The following ST6GALNAC2 variants were observed in gnomAD, a reference collection of about 807,000 sequenced individuals.
The protein encoded by ST6GALNAC2 is alpha-N-acetylgalactosaminide alpha-2,6-sialyltransferase 2.
A neutral mutation model predicts 38.7 loss-of-function variants in ST6GALNAC2; 42 were observed. The ratio of observed to expected loss-of-function variants is 1.09; its 90% CI spans 0.85 to 1.40. The LOEUF is 1.40. Among genes scored for constraint, ST6GALNAC2 ranks in the 40% most tolerant of loss-of-function variants. The pLI is 0.00. For missense variants in ST6GALNAC2, 506 were observed against 481.7 expected (o/e 1.05, Z -0.47); for synonymous variants, 233 against 209.0 (o/e 1.11, Z -0.99).
chr17:76,573,159 T>TGCCCACCC lies in ST6GALNAC2; in HGVS notation c.530+35_530+36insGGGTGGGC. The TGCCCACCC allele has an allele frequency of 6.5e-7, 1 of 1,530,320 alleles. No individual in the cohort carries two copies. The highest frequency in any genetic ancestry group is 2.3e-5 in the East Asian group (1 of 44,142). The allele number at this position is 1,530,320 out of a possible 1,614,324, so 94.8% of individuals were successfully genotyped here. ...GACACCCCCACCCTCCAGGCAACTCTCCCTCCCGCCCCTCCCCAGCTCCTA... is the reference window on the plus strand; with the variant it reads ...GACACCCCCACCCTCCAGGCAACTCTGCCCACCCCCCTCCCGCCCCTCCCCAGCTCCTA... On this transcript the variant is annotated intron_variant, in intron 4 of 8. Transcript: ENST00000225276. The surrounding 1 kb of genome is among the most constrained non-coding windows in gnomAD (Gnocchi z 5.1).
At chr17:76,578,545 T>G (rs1163436845) in intron 2 of ST6GALNAC2, among the ~76,000 whole-genome samples, 1 of 152,138 alleles carries the variant, frequency 6.6e-6, no homozygotes, top group Non-Finnish European at 1.5e-5. Flanking sequence ...TGAGTACATA[T>G]TTATTCATCC....
At position 76,583,009 on chromosome 17, in the gene ST6GALNAC2, G is replaced by T. The variant is rs190736730; in HGVS notation, c.125+2675C>A. On this transcript the variant is annotated intron_variant, in intron 1 of 8. Coordinates refer to ENST00000225276, the MANE Select transcript of ST6GALNAC2 (RefSeq NM_006456.3). ...AAAAAAGCATTGTTGCATTATAATA[G>T]AAGTATAGTAAACTTCATACTTAAA... Among the ~76,000 whole-genome samples, 391 of 152,322 alleles carry T rather than the reference G, an allele frequency of 2.6e-3. 2 individuals are homozygous for T. The highest frequency in any genetic ancestry group is 8.7e-3 in the African/African-American group (363 of 41,582).
In ST6GALNAC2 at chr17:76,567,755, C is replaced by G. The variant is rs368784034; in HGVS notation, c.858-203G>C. ...GGGGAGGGGGTGGTGAGAAAGGAAC[C>G]ACAGGTTCCCCCTTTTGGCAACAGC... On this transcript the variant is annotated intron_variant, in intron 7 of 8. Transcript: ENST00000225276. The G allele has an allele frequency of 1.4e-4, 69 of 508,932 alleles. No homozygotes were observed. The East Asian group carries it at 1.6e-3, about 12-fold the overall frequency. The allele number at this position is 508,932 out of a possible 1,614,324, so 31.5% of individuals were successfully genotyped here. A position where few individuals can be genotyped will look rare whatever the true frequency, so the allele number is the denominator to read the frequency against.
chr17:76,570,938 A>G, intron 5 of ST6GALNAC2: 1 of 402,908 alleles, frequency 2.5e-6, no homozygotes, highest in African/African-American at 2.0e-5. Context: ...TAAAGAGGAA[A>G]GTGATGGTGT....
At chr17:76,582,151 C>T (rs2075484820) in intron 1 of ST6GALNAC2, among the ~76,000 whole-genome samples, 3 of 146,212 alleles carry the variant, frequency 2.1e-5, no homozygotes, top group African/African-American at 7.6e-5. Context: ...AAGCGTGAGC[C>T]ACCGTGCCCA....
intron 1 of ST6GALNAC2, among the ~76,000 whole-genome samples, chr17:76,580,376 C>A (rs2075461519): frequency 6.6e-6 from 1 of 152,054 alleles, no homozygotes; most frequent in African/African-American, 2.4e-5. Flanking sequence ...TGAGATCACA[C>A]CACTGCATTC....
At chr17:76,572,821 G>GTCTGT in intron 4 of ST6GALNAC2, 46 bp from the exon 5 acceptor site, 1 of 1,610,708 alleles carries the variant, frequency 6.2e-7, no homozygotes. Flanking sequence ...ACACCAGGCC[G>GTCTGT]TCTGTTCTGC....
rs1248909763 is a variant in ST6GALNAC2, at chr17:76,567,559, G to A, written c.858-7C>T. The stretch of plus-strand genomic sequence containing the variant: ...CAACTTTGATTTCAAGAACCTGGAA[G>A]CAAAAAGAGACATTTCAGCTCACTA... On this transcript the variant is annotated splice_polypyrimidine_tract_variant and splice_region_variant and intron_variant, in intron 7 of 8. Transcript: ENST00000225276. The A allele has an allele frequency of 6.3e-7, 1 of 1,596,474 alleles. No homozygotes were observed. Among genetic ancestry groups the A allele is most frequent in the Admixed American group, 1.7e-5 (1 of 59,744 alleles).
rs1344413020 is a variant in ST6GALNAC2, at chr17:76,566,041, T to C, written c.*63A>G. The C allele has an allele frequency of 6.5e-6, 10 of 1,530,140 alleles. No homozygotes were observed. Among genetic ancestry groups the C allele is most frequent in the Non-Finnish European group, 7.9e-6 (9 of 1,134,502 alleles). 94.8% of individuals were successfully genotyped at this position (1,530,140 alleles called of 1,614,324 possible). ...GAAGATTGAAAAGTTAAAAAAGCTT[T>C]TGGCCACTTGAGAGGATCAGGGCCG... is the stretch of plus-strand genomic sequence containing the variant. On this transcript the variant is annotated 3_prime_UTR_variant, in exon 9 of 9. Transcript: ENST00000225276.
chr17:76,582,918 A>T (rs1224105187), intron 1 of ST6GALNAC2, among the ~76,000 whole-genome samples: 1 of 152,256 alleles, frequency 6.6e-6, no homozygotes, highest in Non-Finnish European at 1.5e-5. Context: ...AATACAGAGA[A>T]ACAGCAGGAA....
At chr17:76,581,656 A>G (rs1361434658) in intron 1 of ST6GALNAC2, among the ~76,000 whole-genome samples, 1 of 151,988 alleles carries the variant, frequency 6.6e-6, no homozygotes, top group Non-Finnish European at 1.5e-5. Context: ...GTGCTCAGCC[A>G]CTTCTCCCAG....
intron 8 of ST6GALNAC2, among the ~76,000 whole-genome samples, chr17:76,566,883 C>T (rs1056900426): frequency 6.6e-6 from 1 of 152,012 alleles, no homozygotes; most frequent in South Asian, 2.1e-4. Context: ...GGCATTTGGC[C>T]CCCAGCTCTC....
At chr17:76,568,881 G>T in intron 6 of ST6GALNAC2, 85 bp from the exon 7 acceptor site, 2 of 1,320,420 alleles carry the variant, frequency 1.5e-6, no homozygotes, top group Non-Finnish European at 2.2e-6. Flanking sequence ...GGGCGCCGGA[G>T]TAGCCGCGGT....
chr17:76,572,876 T>A, intron 4 of ST6GALNAC2, 101 bp from the exon 5 acceptor site: 1 of 1,414,302 alleles, frequency 7.1e-7, no homozygotes, highest in Non-Finnish European at 9.8e-7. Flanking sequence ...TGCCTCTGTA[T>A]GACCACTCCT....
chr17:76,566,957 T>C (rs7216923), intron 8 of ST6GALNAC2, among the ~76,000 whole-genome samples: 56 of 152,316 alleles, frequency 3.7e-4, no homozygotes, highest in African/African-American at 1.3e-3. Flanking sequence ...CCTGCCTCCA[T>C]GAGCTTCACG....
chr17:76,578,908 C>T (rs1054191366), intron 1 of ST6GALNAC2, 92 bp from the exon 2 acceptor site: 16 of 1,089,924 alleles, frequency 1.5e-5, no homozygotes, highest in African/African-American at 6.3e-5. Flanking sequence ...GCTCTAGGGG[C>T]GGACAAAGTC....
rs773233116 is a variant in ST6GALNAC2 at position 76,572,698 on chromosome 17, G to A, written c.608C>T (p.Thr203Met). The A allele has an allele frequency of 2.4e-5, 39 of 1,614,036 alleles. No individual in the cohort carries two copies. The highest frequency in any genetic ancestry group is 3.3e-4 in the Middle Eastern group (2 of 6,084). ...GTAGGAGACGAGGGAGTTCTTCATC[G>A]TGTTCACAGTGAAACCATAGAAGGA... ...KTSFYGFTVN[T>M]MKNSLVSYWN... Residue 203 changes from threonine (T) to methionine (M), a missense_variant, in exon 5 of 9, where the codon ACG (threonine) becomes ATG (methionine). Coordinates refer to ENST00000225276, the MANE Select transcript of ST6GALNAC2 (RefSeq NM_006456.3).
intron 7 of ST6GALNAC2, 71 bp downstream of exon 7, chr17:76,568,642 G>T: frequency 6.7e-7 from 1 of 1,492,188 alleles, no homozygotes; most frequent in South Asian, 1.1e-5. Context: ...CGAGGGCGCT[G>T]ACTGGATGTG....
intron 1 of ST6GALNAC2, among the ~76,000 whole-genome samples, chr17:76,583,012 G>T (rs1475179822): frequency 1.3e-5 from 2 of 152,140 alleles, no homozygotes; most frequent in Non-Finnish European, 2.9e-5. Context: ...TATAATAGAA[G>T]TATAGTAAAC....
Sources: allele counts gnomAD v4.1 joint callset (sites outside exome capture counted in the v4.1 genomes callset), GRCh38; gene constraint gnomAD v4.1.1; non-coding constraint Gnocchi (gnomAD v3.1); transcripts MANE v1.5; gene names NCBI Gene and HGNC (gene_info 2026-07-23, HGNC 2026-07-21).